The following FLT1 variants were observed in gnomAD, a reference collection of about 807,000 sequenced individuals.
The protein encoded by FLT1 is fms related receptor tyrosine kinase 1.
Under a neutral mutation model 156.3 loss-of-function variants are expected in FLT1, and 49 were observed. The observed-to-expected ratio is 0.31, with a 90% CI of 0.25 to 0.40. The LOEUF (loss-of-function observed/expected upper bound fraction) is 0.40. Among genes scored for constraint, FLT1 ranks in the 10% least tolerant of loss-of-function variants. FLT1 has a pLI of 1.00. For missense variants in FLT1, 1,322 were observed against 1,637.2 expected (o/e 0.81, Z 3.32); for synonymous variants, 594 against 583.8 (o/e 1.02, Z -0.25).
At chr13:28,308,747 G>A in intron 28 of FLT1, 96 bp downstream of exon 28, 4 of 810,992 alleles carry the variant, frequency 4.9e-6, no homozygotes. Context: ...GACCCTCACT[G>A]ACCAAGAACT....
Position 28,418,491 on chromosome 13 carries a change from C to A in FLT1, c.1436+8668G>T, listed in dbSNP as rs115802148. 5.9e-3 allele frequency among the ~76,000 whole-genome samples: 906 copies of A among 152,308 alleles called. 11 individuals carry two copies. The highest frequency in any genetic ancestry group is 0.02 in the African/African-American group (838 of 41,564). On this transcript the variant is annotated intron_variant, in intron 10 of 29. Transcript: ENST00000282397. ...GACTTCAGCTCTTTCCTCTGGGAATCCACAGGGATGTCCTCTGAGGAGTCC... is the reference window on the plus strand; with the variant it reads ...GACTTCAGCTCTTTCCTCTGGGAATACACAGGGATGTCCTCTGAGGAGTCC...
intron 10 of FLT1, among the ~76,000 whole-genome samples, chr13:28,418,347 C>G (rs2065621941): frequency 6.6e-6 from 1 of 152,156 alleles, no homozygotes; most frequent in African/African-American, 2.4e-5. Context: ...GTCTTTTTCT[C>G]CTTTCCTCTC....
chr13:28,375,549 C>G (rs1446104992), intron 14 of FLT1, among the ~76,000 whole-genome samples: 1 of 152,170 alleles, frequency 6.6e-6, no homozygotes, highest in African/African-American at 2.4e-5. Context: ...CTTCTACCTC[C>G]TAAAAGAACT....
intron 3 of FLT1, among the ~76,000 whole-genome samples, chr13:28,441,144 C>T (rs562137742): frequency 3.9e-5 from 6 of 152,252 alleles, no homozygotes; most frequent in East Asian, 1.9e-4. Context: ...ACAGTTTAAC[C>T]GGTATATGAC....
intron 14 of FLT1, among the ~76,000 whole-genome samples, chr13:28,366,679 C>G (rs1396521670): frequency 6.6e-6 from 1 of 152,016 alleles, no homozygotes; most frequent in Admixed American, 6.6e-5. Flanking sequence ...ACATGTTGGC[C>G]ATGCAGGTCT....
intron 10 of FLT1, among the ~76,000 whole-genome samples, chr13:28,412,364 C>CTTTTCTTTCTTTCTT: frequency 2.5e-5 from 2 of 80,732 alleles, no homozygotes; most frequent in Non-Finnish European, 5.9e-5. Flanking sequence ...TTCTTTCTTT[C>CTTTTCTTTCTTTCTT]TTTCTTTCTT....
chr13:28,430,117 C>T lies in FLT1; in HGVS notation c.1039G>A (p.Val347Ile), dbSNP rs143093353. Residue 347 changes from valine to isoleucine, a missense_variant, in exon 8 of 30, where the codon GTA becomes ATA. Physicochemically the swap from Val to Ile is conservative, Grantham distance 29. This residue lies in a region of FLT1 where 991 missense variants were observed against 1,254.8 expected (regional missense o/e 0.79). Coordinates refer to ENST00000282397, the MANE Select transcript of FLT1 (RefSeq NM_002019.4). ...KHRKQQVLET[V>I]AGKRSYRLSM... ...AGCCGGTAAGACCGCTTGCCAGCTA[C>T]GGTTTCAAGCACCTGCTGTTTTCGA... The T allele has an allele frequency of 5.5e-5, 89 of 1,613,954 alleles. No individual in the cohort carries two copies. Among genetic ancestry groups the T allele is most frequent in the African/African-American group, 1.3e-4 (10 of 75,040 alleles).
chr13:28,386,887 C>T, intron 13 of FLT1: 5 of 1,047,548 alleles, frequency 4.8e-6, no homozygotes, highest in South Asian at 4.6e-5. Context: ...TTAATAGCTT[C>T]CTCAGCACAC....
At chr13:28,417,065 G>C (rs976882551) in intron 10 of FLT1, among the ~76,000 whole-genome samples, 1 of 152,142 alleles carries the variant, frequency 6.6e-6, no homozygotes, top group Admixed American at 6.5e-5. Flanking sequence ...CCAATAATAA[G>C]TCTGTGAAAG....
intron 1 of FLT1, among the ~76,000 whole-genome samples, chr13:28,488,136 G>A (rs779345967): frequency 2.6e-5 from 4 of 152,022 alleles, no homozygotes; most frequent in South Asian, 4.1e-4. Context: ...GGTGGCTTAC[G>A]CCTGTAATCT....
chr13:28,430,797 G>T (rs1347290571), intron 7 of FLT1, among the ~76,000 whole-genome samples: 3 of 152,076 alleles, frequency 2.0e-5, no homozygotes, highest in Non-Finnish European at 4.4e-5. Context: ...TAGTACCTGA[G>T]AAATTTTTCT....
intron 1 of FLT1, among the ~76,000 whole-genome samples, chr13:28,485,996 G>A (rs918345076): frequency 3.3e-5 from 5 of 152,244 alleles, no homozygotes; most frequent in Non-Finnish European, 7.3e-5. Flanking sequence ...ATGCATTGTT[G>A]TGTTGGGTGA....
chr13:28,336,550 C>A (rs926422810), intron 17 of FLT1, among the ~76,000 whole-genome samples: 2 of 152,156 alleles, frequency 1.3e-5, no homozygotes, highest in African/African-American at 4.8e-5. Context: ...GCCCTGGACA[C>A]GCTGGGGAGA....
At chr13:28,371,831 A>G (rs1393958490) in intron 14 of FLT1, among the ~76,000 whole-genome samples, 1 of 151,950 alleles carries the variant, frequency 6.6e-6, no homozygotes, top group Non-Finnish European at 1.5e-5. Context: ...GGTGTCAGGC[A>G]TCCTCTTGGG....
intron 12 of FLT1, among the ~76,000 whole-genome samples, chr13:28,392,203 A>G (rs1481738645): frequency 2.0e-5 from 3 of 152,244 alleles, no homozygotes; most frequent in African/African-American, 7.2e-5. Context: ...AGGGCGTAAC[A>G]GTGGCTTACG....
At chr13:28,385,957 A>C in intron 13 of FLT1, 1 of 1,051,054 alleles carries the variant, frequency 9.5e-7, no homozygotes, top group Non-Finnish European at 1.1e-6. Context: ...GGTAAAAAAT[A>C]AAAACAACTC....
At chr13:28,407,138 C>T (rs551669938) in intron 10 of FLT1, among the ~76,000 whole-genome samples, 14 of 152,304 alleles carry the variant, frequency 9.2e-5, no homozygotes, top group African/African-American at 3.1e-4. Flanking sequence ...CACTCTGTCC[C>T]CATAGCTAAG....
chr13:28,322,558 G>A lies in FLT1; in HGVS notation c.2954-199C>T, dbSNP rs1446345208. On this transcript the variant is annotated intron_variant, in intron 21 of 29. Coordinates refer to ENST00000282397, the MANE Select transcript of FLT1 (RefSeq NM_002019.4). The surrounding 1 kb of genome is among the most constrained non-coding windows in gnomAD (Gnocchi z 4.3). ...CCCACTTTATCCAAGCATGGGGGCA[G>A]GGGGATGATCCATTAAGATGAAAAT... 1.4e-6 allele frequency: 1 copy of A among 722,718 alleles called. No individual in the cohort carries two copies. Among genetic ancestry groups the A allele is most frequent in the Non-Finnish European group, 2.5e-6 (1 of 404,354 alleles). 44.8% of individuals were successfully genotyped at this position (722,718 alleles called of 1,614,324 possible).
intron 14 of FLT1, among the ~76,000 whole-genome samples, chr13:28,372,076 A>ATTTTTTTTTTTTTTTTT (rs56114428): frequency 8.5e-5 from 1 of 11,760 alleles, no homozygotes; most frequent in Non-Finnish European, 1.6e-4. Flanking sequence ...ATATATATAT[A>ATTTTTTTTTTTTTTTTT]TTTTTTTTTT....
Sources: gnomAD v4.1 joint callset for allele counts (sites outside exome capture counted in the v4.1 genomes callset) on GRCh38, gnomAD v4.1.1 for gene constraint, gnomAD v4.1.1 regional missense constraint, Gnocchi (gnomAD v3.1) non-coding constraint, MANE v1.5 for transcripts, NCBI Gene and HGNC (gene_info 2026-07-23, HGNC 2026-07-21) for gene names.